The following IBTK variants were observed in gnomAD, a reference collection of about 807,000 sequenced individuals.
IBTK encodes the protein inhibitor of Bruton tyrosine kinase.
IBTK carries 83 observed loss-of-function variants against 154.9 expected under a neutral mutation model. The ratio of observed to expected loss-of-function variants is 0.54; its 90% confidence interval spans 0.45 to 0.64. The LOEUF is 0.64. IBTK is among the 30% of genes least tolerant of loss of function. The pLI, the probability that IBTK is intolerant of heterozygous loss-of-function variation, is 0.00. For synonymous variants in IBTK, 515 were observed against 536.1 expected (o/e 0.96, Z 0.54); for missense variants, 1,332 against 1,584.6 (o/e 0.84, Z 2.71).
chr6:82,240,464 C>T lies in IBTK; in HGVS notation c.23G>A (p.Cys8Tyr). 6.2e-7 allele frequency: 1 copy of T among 1,613,358 alleles called. No individual in the cohort carries two copies. Among genetic ancestry groups the T allele is most frequent in the Non-Finnish European group, 8.5e-7 (1 of 1,179,906 alleles). Residue 8 changes from cysteine (C) to tyrosine (Y), a missense_variant, in exon 2 of 29, where the codon TGC becomes TAC. Transcript: ENST00000306270. The part of the protein sequence containing the change: MSSPMPD[C>Y]TSKCRSLKHA... ...CTTCAGGGATCGACACTTTGATGTG[C>T]AGTCAGGCATGGGTGAACTCATCCT...
Position 82,170,764 on chromosome 6 carries a change from T to C in IBTK, c.*661A>G, listed in dbSNP as rs1767904300. 6.6e-6 allele frequency: 1 copy of C among 152,238 alleles called. No homozygotes were observed. Among genetic ancestry groups the C allele is most frequent in the South Asian group, 2.1e-4 (1 of 4,830 alleles). 9.4% of individuals were successfully genotyped at this position (152,238 alleles called of 1,614,324 possible). A position where few individuals can be genotyped will look rare whatever the true frequency, so the allele number is the denominator to read the frequency against. On this transcript the variant is annotated 3_prime_UTR_variant, in exon 29 of 29. Coordinates refer to ENST00000306270, the MANE Select transcript of IBTK (RefSeq NM_015525.4). ...TTTCTTTTTTAAAACGCTATTCTCT[T>C]GGGACTAAACTGTTCAGAATAATCA...
chr6:82,193,829 G>A (rs1378307851), intron 23 of IBTK, among the ~76,000 whole-genome samples: 4 of 151,970 alleles, frequency 2.6e-5, no homozygotes, highest in African/African-American at 7.2e-5. Flanking sequence ...TTACAAGTGC[G>A]TACCACCACG....
At chr6:82,215,354 C>G (rs9449448) in intron 11 of IBTK, among the ~76,000 whole-genome samples, 36,273 of 152,018 alleles carry the variant, frequency 0.24, 4,393 homozygotes, top group African/African-American at 0.28. Context: ...ATTTGCATTG[C>G]GATTTACAGA....
At position 82,240,683 on chromosome 6, in the gene IBTK, A is replaced by T. The variant is rs1770910958; in HGVS notation, c.-197T>A. On this transcript the variant is annotated 5_prime_UTR_variant, in exon 2 of 29. Transcript: ENST00000306270. ...TTGGCACTTAAATCAAAAAAATTAT[A>T]AATAGCTCTATAAAGTTCATATCAA... The T allele has an allele frequency of 1.9e-6, 1 of 527,576 alleles. No individual in the cohort carries two copies. The highest frequency in any genetic ancestry group is 1.9e-5 in the African/African-American group (1 of 52,202). 32.7% of individuals were successfully genotyped at this position (527,576 alleles called of 1,614,324 possible). A position where few individuals can be genotyped will look rare whatever the true frequency, so the allele number is the denominator to read the frequency against.
Position 82,216,173 on chromosome 6 carries a change from G to A in IBTK, c.1504C>T (p.Arg502Ter), listed in dbSNP as rs1373746218. Residue 502 changes from arginine to a stop codon, truncating the protein, a stop_gained, in exon 11 of 29, where the codon CGA (arginine) becomes TGA (stop). Transcript: ENST00000306270. LOFTEE classifies it high-confidence loss of function. ...SDINSVYERIRLEKLTFAHRA... is the reference protein window; with the variant it reads ...SDINSVYERI ...TGTGCAAAGGTAAGTTTCTCAAGTC[G>A]AATTCTTTCATACACACTATTTATA... is the stretch of plus-strand genomic sequence containing the variant. 4 of 1,612,380 alleles carry A rather than the reference G, an allele frequency of 2.5e-6. No homozygotes were observed. The highest frequency in any genetic ancestry group is 3.4e-6 in the Non-Finnish European group (4 of 1,178,696).
rs375781712 is a variant in IBTK at position 82,171,845 on chromosome 6, T to C, written c.3931-289A>G. ...GGTTGCTAAAATTCATTCATTCCAA[T>C]AGCTTTATTCTGTGAGATACTTTCT... On this transcript the variant is annotated intron_variant, in intron 28 of 28. Coordinates refer to ENST00000306270, the MANE Select transcript of IBTK (RefSeq NM_015525.4). 1.2e-4 allele frequency among the ~76,000 whole-genome samples: 19 copies of C among 152,352 alleles called. No individual in the cohort carries two copies. In the East Asian group the frequency reaches 3.1e-3, roughly 25 times the overall value.
chr6:82,237,787 T>A (rs1770787434), intron 2 of IBTK, among the ~76,000 whole-genome samples: 1 of 151,852 alleles, frequency 6.6e-6, no homozygotes, highest in Non-Finnish European at 1.5e-5. Context: ...TCAGTAAATG[T>A]TACTACATAA....
chr6:82,214,085 A>T, intron 12 of IBTK, 142 bp downstream of exon 12: 1 of 684,714 alleles, frequency 1.5e-6, no homozygotes, highest in Non-Finnish European at 2.4e-6. Context: ...CCTCCTGAGT[A>T]GCTGGGACTA....
intron 21 of IBTK, among the ~76,000 whole-genome samples, chr6:82,199,362 T>C (rs1284368670): frequency 2.6e-5 from 4 of 152,122 alleles, no homozygotes; most frequent in East Asian, 3.8e-4. Context: ...AAAATGTACA[T>C]AGGTGTTCAT....
At chr6:82,181,669 C>T (rs1051152815) in intron 26 of IBTK, among the ~76,000 whole-genome samples, 14 of 145,028 alleles carry the variant, frequency 9.7e-5, no homozygotes, top group Non-Finnish European at 3.0e-5. Flanking sequence ...TTTAAATATA[C>T]GCAATTGATT....
intron 2 of IBTK, among the ~76,000 whole-genome samples, chr6:82,237,896 T>C (rs1022171366): frequency 6.6e-6 from 1 of 152,140 alleles, no homozygotes; most frequent in Non-Finnish European, 1.5e-5. Flanking sequence ...CAGAACTGTT[T>C]TTTTCTTTTC....
intron 10 of IBTK, 22 bp from the exon 11 acceptor site, chr6:82,216,272 C>A: frequency 6.7e-7 from 1 of 1,488,520 alleles, no homozygotes; most frequent in Non-Finnish European, 9.2e-7. Context: ...AAATAAACTA[C>A]CATTAATCAA....
At chr6:82,179,001 C>G (rs1390104676) in intron 26 of IBTK, among the ~76,000 whole-genome samples, 11 of 152,166 alleles carry the variant, frequency 7.2e-5, no homozygotes, top group Non-Finnish European at 1.3e-4. Context: ...CTCTTAAAAG[C>G]AGTAAACTCC....
intron 27 of IBTK, 103 bp from the exon 28 acceptor site, chr6:82,172,615 C>A: frequency 2.9e-6 from 3 of 1,041,844 alleles, no homozygotes; most frequent in African/African-American, 1.6e-5. Context: ...TTTCCAGTGA[C>A]CTACAATGAA....
intron 23 of IBTK, among the ~76,000 whole-genome samples, chr6:82,193,082 A>G (rs1768837626): frequency 7.1e-6 from 1 of 140,510 alleles, no homozygotes; most frequent in Admixed American, 7.1e-5. Flanking sequence ...TGGGCAACAG[A>G]GCAAGACTGT....
chr6:82,204,650 A>T (rs929791551), intron 17 of IBTK, among the ~76,000 whole-genome samples: 5 of 152,166 alleles, frequency 3.3e-5, no homozygotes, highest in African/African-American at 9.7e-5. Flanking sequence ...TTACATTTCA[A>T]TTCTAAGTCA....
chr6:82,209,924 A>G (rs1769563225), intron 16 of IBTK, among the ~76,000 whole-genome samples: 1 of 152,120 alleles, frequency 6.6e-6, no homozygotes, highest in Admixed American at 6.6e-5. Context: ...CTGTTGGATT[A>G]TATTTGTTTT....
intron 26 of IBTK, among the ~76,000 whole-genome samples, chr6:82,178,705 G>T (rs1768205147): frequency 6.6e-6 from 1 of 152,098 alleles, no homozygotes; most frequent in Non-Finnish European, 1.5e-5. Context: ...TAATAAATAT[G>T]GAACGTACAA....
chr6:82,225,742 T>C, intron 5 of IBTK, 95 bp from the exon 6 acceptor site: 1 of 871,144 alleles, frequency 1.1e-6, no homozygotes, highest in Non-Finnish European at 1.8e-6. Context: ...TGACATGAAA[T>C]GACATGACTG....
Sources: gnomAD v4.1 joint callset for allele counts (sites outside exome capture counted in the v4.1 genomes callset) on GRCh38, gnomAD v4.1.1 for gene constraint, MANE v1.5 for transcripts, NCBI Gene and HGNC (gene_info 2026-07-23, HGNC 2026-07-21) for gene names.